The following STIM2 variants were observed in gnomAD, a reference collection of about 807,000 sequenced individuals.
The protein encoded by STIM2 is stromal interaction molecule 2.
A neutral mutation model predicts 85.8 loss-of-function variants in STIM2; 31 were observed. The ratio of observed to expected loss-of-function variants is 0.36; its 90% CI spans 0.27 to 0.49. The LOEUF is 0.49. Ranked by LOEUF, STIM2 falls within the 20% of genes least tolerant of loss-of-function variation. The pLI is 0.98. For synonymous variants in STIM2, 356 were observed against 331.1 expected (o/e 1.08, Z -0.82); for missense variants, 841 against 927.6 (o/e 0.91, Z 1.21).
chr4:27,017,707 T>A lies in STIM2; in HGVS notation c.1490-4T>A, dbSNP rs755574258. On this transcript the variant is annotated splice_polypyrimidine_tract_variant and splice_region_variant and intron_variant, in intron 10 of 11. Transcript: ENST00000467087. ...GAGCATGTTTCTTTCTTGGTGTTTT[T>A]CAGGGACCATGGCTAAACCTCCTGG... The A allele has an allele frequency of 6.2e-7, 1 of 1,612,894 alleles. No individual in the cohort carries two copies. The highest frequency in any genetic ancestry group is 8.5e-7 in the Non-Finnish European group (1 of 1,178,954).
intron 2 of STIM2, among the ~76,000 whole-genome samples, chr4:26,937,382 C>A (rs1020035891): frequency 6.6e-6 from 1 of 152,130 alleles, no homozygotes; most frequent in Non-Finnish European, 1.5e-5. Context: ...ATGGTACTGC[C>A]AGTGCTGCCA....
intron 1 of STIM2, among the ~76,000 whole-genome samples, chr4:26,903,771 T>C (rs1724016144): frequency 1.3e-5 from 2 of 152,272 alleles, no homozygotes; most frequent in South Asian, 2.1e-4. Context: ...CCTGTAATGA[T>C]AATAGATGAC....
intron 5 of STIM2, among the ~76,000 whole-genome samples, chr4:27,001,221 A>G (rs1728140305): frequency 6.6e-6 from 1 of 152,218 alleles, no homozygotes; most frequent in Admixed American, 6.5e-5. Flanking sequence ...TGTGAGCTGT[A>G]TCTCTTTGGA....
At position 27,008,942 on chromosome 4, in the gene STIM2, A is replaced by G. The variant is rs200776417; in HGVS notation, c.1429A>G (p.Ile477Val). The G allele has an allele frequency of 4.8e-5, 77 of 1,613,934 alleles. No individual in the cohort carries two copies. The highest frequency in any genetic ancestry group is 5.5e-5 in the Non-Finnish European group (65 of 1,180,014). Reference sequence around the variant, plus strand: ...CAGAGTCTCCATTCCACCCTATCCAATTGCTGGAGGAGTTGATGACTTAGA... The same window carrying G: ...CAGAGTCTCCATTCCACCCTATCCAGTTGCTGGAGGAGTTGATGACTTAGA... The change falls in exon 10 of 12, where the codon ATT becomes GTT. Residue 477 changes from isoleucine to valine, a missense_variant. Physicochemically the swap from Ile to Val is conservative, Grantham distance 29 (BLOSUM62 3). Around this residue, in one of 3 missense-constraint regions of STIM2, gnomAD observed 408 missense variants for 525.4 expected, o/e 0.78. Coordinates refer to ENST00000467087, the MANE Select transcript of STIM2 (RefSeq NM_020860.4).
In STIM2 at chr4:26,903,868, A is replaced by G. The variant is rs993153858; in HGVS notation, c.152-15636A>G. ...TAATTGAAAATGGTAGAGCCAAGTT[A>G]TTGAGAGATAATTGGATGAGAAAGG... On this transcript the variant is annotated intron_variant, in intron 1 of 11. Transcript: ENST00000467087. 2.6e-5 allele frequency among the ~76,000 whole-genome samples: 4 copies of G among 152,048 alleles called. No homozygotes were observed. In the East Asian group the frequency reaches 5.8e-4, roughly 22 times the overall value.
intron 3 of STIM2, among the ~76,000 whole-genome samples, chr4:26,974,772 G>C (rs943658713): frequency 3.3e-5 from 5 of 152,118 alleles, no homozygotes; most frequent in Admixed American, 1.3e-4. Flanking sequence ...TCCTGAATTT[G>C]AATGTTGGCC....
chr4:26,962,988 A>G (rs185723744), intron 3 of STIM2, among the ~76,000 whole-genome samples: 5 of 152,308 alleles, frequency 3.3e-5, no homozygotes, highest in Admixed American at 2.0e-4. Context: ...TTACAAATTG[A>G]ATAGACATTT....
chr4:26,902,096 G>A (rs1469266848), intron 1 of STIM2, among the ~76,000 whole-genome samples: 1 of 152,046 alleles, frequency 6.6e-6, no homozygotes, highest in African/African-American at 2.4e-5. Context: ...CAACAGAAGT[G>A]GTGATGTGAC....
At chr4:26,882,695 C>G (rs527446556) in intron 1 of STIM2, among the ~76,000 whole-genome samples, 33 of 152,198 alleles carry the variant, frequency 2.2e-4, no homozygotes, top group African/African-American at 7.9e-4. Context: ...CTCCCAGGCT[C>G]AAGCAGTCCT....
chr4:26,917,571 TTAAA>T (rs113610172), intron 1 of STIM2, among the ~76,000 whole-genome samples: 29,884 of 151,916 alleles, frequency 0.2, 3,020 homozygotes, highest in East Asian at 0.41. Flanking sequence ...ATACGCCTAT[TTAAA>T]TAAATAATTA....
chr4:27,013,402 G>A (rs1728628019), intron 10 of STIM2, among the ~76,000 whole-genome samples: 1 of 151,942 alleles, frequency 6.6e-6, no homozygotes. Flanking sequence ...GAAAAACATA[G>A]TGTGTATAGA....
chr4:26,875,094 T>C (rs991169614), intron 1 of STIM2, among the ~76,000 whole-genome samples: 23 of 152,240 alleles, frequency 1.5e-4, no homozygotes, highest in Admixed American at 1.0e-3. Flanking sequence ...GTATCAGTTA[T>C]ACAATTCACA....
At chr4:26,990,658 A>G (rs913138561) in intron 3 of STIM2, among the ~76,000 whole-genome samples, 3 of 152,168 alleles carry the variant, frequency 2.0e-5, no homozygotes, top group Non-Finnish European at 4.4e-5. Flanking sequence ...GAGACAACCT[A>G]TGGGGTGGGA....
chr4:27,008,587 T>G (rs1445618088), intron 9 of STIM2, 59 bp downstream of exon 9: 1 of 1,256,570 alleles, frequency 8.0e-7, no homozygotes, highest in Non-Finnish European at 1.1e-6. Context: ...AATGAGTAAT[T>G]TGTGAACAAT....
intron 1 of STIM2, among the ~76,000 whole-genome samples, chr4:26,895,360 C>T (rs1049038436): frequency 6.6e-6 from 1 of 152,062 alleles, no homozygotes; most frequent in Non-Finnish European, 1.5e-5. Context: ...TTCTTAGGTA[C>T]TCTTTGATTC....
intron 3 of STIM2, among the ~76,000 whole-genome samples, chr4:26,981,104 A>T (rs1458149306): frequency 1.3e-5 from 2 of 152,190 alleles, no homozygotes; most frequent in East Asian, 3.8e-4. Flanking sequence ...AAGAATGCAG[A>T]GCTTGACTGC....
chr4:26,907,014 G>GTT (rs1307544306), intron 1 of STIM2, among the ~76,000 whole-genome samples: 1 of 152,006 alleles, frequency 6.6e-6, no homozygotes, highest in African/African-American at 2.4e-5. Flanking sequence ...ATGTGCTTTG[G>GTT]TGTAATTGTT....
intron 5 of STIM2, among the ~76,000 whole-genome samples, chr4:27,001,697 G>A (rs1461233578): frequency 6.6e-6 from 1 of 152,178 alleles, no homozygotes; most frequent in Non-Finnish European, 1.5e-5. Flanking sequence ...GGTGGGTGAG[G>A]AATTATCACC....
intron 3 of STIM2, among the ~76,000 whole-genome samples, chr4:26,985,846 T>C (rs1282341112): frequency 6.6e-6 from 1 of 152,248 alleles, no homozygotes; most frequent in Non-Finnish European, 1.5e-5. Context: ...ATGACATTAC[T>C]AATGTTTTTA....
Sources: allele counts gnomAD v4.1 joint callset (sites outside exome capture counted in the v4.1 genomes callset), GRCh38; gene constraint gnomAD v4.1.1; regional missense constraint gnomAD v4.1.1; transcripts MANE v1.5; gene names NCBI Gene and HGNC (gene_info 2026-07-23, HGNC 2026-07-21).